The following SDCBP variants were observed in gnomAD, a reference collection of about 807,000 sequenced individuals.
The protein encoded by SDCBP is syntenin-1.
In SDCBP, 22 loss-of-function variants were observed where a neutral mutation model predicts 30.5. That is an observed-to-expected ratio of 0.72 (90% confidence interval 0.52 to 1.03). The LOEUF (loss-of-function observed/expected upper bound fraction) is 1.03, where lower values mean the gene tolerates loss of function less well. Among genes scored for constraint, SDCBP ranks in the 50% least tolerant of loss-of-function variants. The pLI, the probability that SDCBP is intolerant of heterozygous loss-of-function variation, is 0.00. For missense variants in SDCBP, 304 were observed against 369.9 expected (o/e 0.82, Z 1.46); for synonymous variants, 103 against 118.7 (o/e 0.87, Z 0.86).
chr8:58,575,693 A>G (rs1805273534), intron 4 of SDCBP, among the ~76,000 whole-genome samples: 1 of 152,230 alleles, frequency 6.6e-6, no homozygotes, highest in African/African-American at 2.4e-5. Context: ...CATTGAATCT[A>G]TTAGAGATGA....
chr8:58,563,569 A>AT (rs200569296), intron 1 of SDCBP, among the ~76,000 whole-genome samples: 2 of 149,148 alleles, frequency 1.3e-5, no homozygotes, highest in African/African-American at 5.1e-5. Flanking sequence ...TGTGAATTAA[A>AT]TTTAAAAAAA....
intron 5 of SDCBP, chr8:58,576,299 G>C: frequency 2.5e-6 from 1 of 393,730 alleles, no homozygotes; most frequent in East Asian, 4.4e-5. Context: ...ATTCTAACTG[G>C]AATACATTTC....
intron 2 of SDCBP, among the ~76,000 whole-genome samples, chr8:58,569,235 G>A (rs2129607878): frequency 7.5e-6 from 1 of 134,020 alleles, no homozygotes; most frequent in East Asian, 3.4e-4. Context: ...CTAGAGACAG[G>A]GTTTTGCCAT....
At chr8:58,561,043 CCAAA>C (rs1191717715) in intron 1 of SDCBP, 3 of 152,150 alleles carry the variant, frequency 2.0e-5, no homozygotes, top group South Asian at 4.2e-4. Flanking sequence ...TAAAAAGGAA[CCAAA>C]CAAACATTGT....
At chr8:58,573,357 G>T (rs1805139148) in intron 4 of SDCBP, among the ~76,000 whole-genome samples, 1 of 152,138 alleles carries the variant, frequency 6.6e-6, no homozygotes, top group South Asian at 2.1e-4. Context: ...TTGTGTTAGT[G>T]GTGATGCAGT....
At chr8:58,570,635 A>G (rs1485607823) in intron 2 of SDCBP, 6 of 361,402 alleles carry the variant, frequency 1.7e-5, no homozygotes, top group Admixed American at 1.6e-4. Flanking sequence ...AGTGCTGGTT[A>G]TAAGACATGT....
chr8:58,576,364 C>A (rs1264798432), intron 5 of SDCBP: 1 of 187,354 alleles, frequency 5.3e-6, no homozygotes, highest in African/African-American at 2.4e-5. Context: ...TTAAATAGAG[C>A]AGATGTGAAG....
At chr8:58,579,924 G>A in intron 7 of SDCBP, 130 bp downstream of exon 7, 1 of 743,388 alleles carries the variant, frequency 1.3e-6, no homozygotes, top group Non-Finnish European at 2.1e-6. Flanking sequence ...TGAACTCTTG[G>A]TCTGGCCAGT....
intron 1 of SDCBP, among the ~76,000 whole-genome samples, chr8:58,557,626 TA>T (rs986290960): frequency 6.6e-6 from 1 of 151,756 alleles, no homozygotes; most frequent in African/African-American, 2.4e-5. Context: ...ACATTGGGTG[TA>T]GGGGCCTTTC....
In SDCBP at chr8:58,576,288, T is replaced by A; in HGVS notation, c.402+227T>A. 6.9e-6 allele frequency: 3 copies of A among 432,142 alleles called. No individual in the cohort carries two copies. In the East Asian group the frequency reaches 1.2e-4, roughly 17 times the overall value. 26.8% of individuals were successfully genotyped at this position (432,142 alleles called of 1,614,324 possible). ...CTTTGAAAGATGTTTCTTTTCTGAA[T>A]ATTCTAACTGGAATACATTTCACTG... On this transcript the variant is annotated intron_variant, in intron 5 of 8. Coordinates refer to ENST00000260130, the MANE Select transcript of SDCBP (RefSeq NM_005625.4).
intron 1 of SDCBP, among the ~76,000 whole-genome samples, chr8:58,554,632 G>T (rs1803998871): frequency 6.6e-6 from 1 of 152,178 alleles, no homozygotes; most frequent in Admixed American, 6.5e-5. Context: ...AAAAGGGGAA[G>T]AATTTGCTAA....
At chr8:58,556,309 G>A (rs1804098614) in intron 1 of SDCBP, among the ~76,000 whole-genome samples, 1 of 152,164 alleles carries the variant, frequency 6.6e-6, no homozygotes. Flanking sequence ...CTGCTCCTGT[G>A]AGAATCTAAT....
At chr8:58,565,168 T>G in intron 2 of SDCBP, 84 bp downstream of exon 2, 1 of 606,664 alleles carries the variant, frequency 1.6e-6, no homozygotes, top group Non-Finnish European at 2.8e-6. Flanking sequence ...GATAGCTAAA[T>G]AGCAGATATA....
intron 5 of SDCBP, among the ~76,000 whole-genome samples, chr8:58,576,619 TAAAA>T (rs1162657472): frequency 6.6e-6 from 1 of 152,124 alleles, no homozygotes; most frequent in African/African-American, 2.4e-5. Flanking sequence ...ATTTTCTGAG[TAAAA>T]AAAGATGGAA....
At chr8:58,555,809 G>GA (rs1398174637) in intron 1 of SDCBP, among the ~76,000 whole-genome samples, 1 of 151,476 alleles carries the variant, frequency 6.6e-6, no homozygotes, top group African/African-American at 2.4e-5. Flanking sequence ...CTCCTGGGCT[G>GA]AAGCAGTCCT....
chr8:58,569,307 A>T (rs1220113601), intron 2 of SDCBP, among the ~76,000 whole-genome samples: 1 of 137,498 alleles, frequency 7.3e-6, no homozygotes, highest in Non-Finnish European at 1.5e-5. Context: ...ACTTCAGGTG[A>T]TCTGCCCACC....
chr8:58,555,140 A>T (rs1177518048), intron 1 of SDCBP, among the ~76,000 whole-genome samples: 2 of 152,190 alleles, frequency 1.3e-5, no homozygotes, highest in Non-Finnish European at 2.9e-5. Flanking sequence ...ATATCAGCAT[A>T]TATAGCTTTC....
intron 5 of SDCBP, 154 bp from the exon 6 acceptor site, chr8:58,577,879 A>C: frequency 3.4e-6 from 2 of 582,926 alleles, no homozygotes. Flanking sequence ...GTGATAACTT[A>C]ATATACTCAT....
intron 5 of SDCBP, among the ~76,000 whole-genome samples, chr8:58,576,924 G>A (rs893858088): frequency 6.6e-6 from 1 of 152,200 alleles, no homozygotes; most frequent in Non-Finnish European, 1.5e-5. Flanking sequence ...TGCCCACCCA[G>A]GGGGCTGAGG....
Sources: allele counts gnomAD v4.1 joint callset (sites outside exome capture counted in the v4.1 genomes callset), GRCh38; gene constraint gnomAD v4.1.1; transcripts MANE v1.5; gene names NCBI Gene and HGNC (gene_info 2026-07-23, HGNC 2026-07-21).